The following GPC6 variants were observed in gnomAD, a reference collection of about 807,000 sequenced individuals.
GPC6 encodes the protein glypican-6.
A neutral mutation model predicts 55.2 loss-of-function variants in GPC6; 14 were observed. The ratio of observed to expected loss-of-function variants is 0.25; its 90% confidence interval spans 0.17 to 0.40. GPC6 has a LOEUF of 0.40. Among genes scored for constraint, GPC6 ranks in the 10% least tolerant of loss-of-function variants. The pLI is 1.00. For synonymous variants in GPC6, 278 were observed against 259.6 expected (o/e 1.07, Z -0.68); for missense variants, 641 against 708.5 (o/e 0.90, Z 1.08).
chr13:93,609,390 T>G (rs1189765254), intron 2 of GPC6, among the ~76,000 whole-genome samples: 2 of 152,120 alleles, frequency 1.3e-5, no homozygotes. Flanking sequence ...ATTTTTGTTT[T>G]GTTTTGTTTT....
chr13:93,848,290 A>G (rs1888270961), intron 3 of GPC6, among the ~76,000 whole-genome samples: 1 of 152,100 alleles, frequency 6.6e-6, no homozygotes, highest in Admixed American at 6.6e-5. Flanking sequence ...CCCTCAAACT[A>G]TTGAAAATTG....
chr13:94,034,537 T>C (rs902679550), intron 4 of GPC6, among the ~76,000 whole-genome samples: 3 of 152,054 alleles, frequency 2.0e-5, no homozygotes, highest in African/African-American at 7.2e-5. Context: ...ATCAAGCAAT[T>C]TTCCCATGGA....
At chr13:93,872,573 G>A (rs9589859) in intron 3 of GPC6, among the ~76,000 whole-genome samples, 13 of 152,010 alleles carry the variant, frequency 8.6e-5, no homozygotes, top group African/African-American at 3.1e-4. Context: ...GCCCTGTCCA[G>A]CTGCTGGAGG....
chr13:93,859,883 C>A (rs772577408), intron 3 of GPC6, among the ~76,000 whole-genome samples: 11 of 151,638 alleles, frequency 7.3e-5, no homozygotes, highest in Non-Finnish European at 1.3e-4. Context: ...GGTTCCCACT[C>A]ATCTTAGAAT....
At chr13:94,061,932 G>T (rs1242392679) in intron 4 of GPC6, among the ~76,000 whole-genome samples, 1 of 152,136 alleles carries the variant, frequency 6.6e-6, no homozygotes. Flanking sequence ...GTACTGTAGA[G>T]TTTCTCTGGA....
intron 3 of GPC6, among the ~76,000 whole-genome samples, chr13:93,977,955 C>A (rs1411698887): frequency 6.6e-6 from 1 of 152,138 alleles, no homozygotes; most frequent in African/African-American, 2.4e-5. Context: ...TCTAAAATAT[C>A]TTATGCTGAA....
At chr13:93,587,903 A>C (rs1054319262) in intron 2 of GPC6, among the ~76,000 whole-genome samples, 10 of 152,202 alleles carry the variant, frequency 6.6e-5, no homozygotes, top group Non-Finnish European at 1.5e-4. Flanking sequence ...ATGAACTCTC[A>C]TCAGAAGTTT....
intron 1 of GPC6, among the ~76,000 whole-genome samples, chr13:93,544,948 G>T (rs962527668): frequency 1.6e-4 from 24 of 152,056 alleles, no homozygotes; most frequent in African/African-American, 5.8e-4. Flanking sequence ...ATCTTGTGTT[G>T]TTGTATCACC....
chr13:93,542,763 G>A (rs1882371385), intron 1 of GPC6, among the ~76,000 whole-genome samples: 1 of 152,090 alleles, frequency 6.6e-6, no homozygotes, highest in Admixed American at 6.6e-5. Flanking sequence ...TGGATTCCTA[G>A]GTATTTTATT....
At chr13:94,205,113 T>C (rs889428850) in intron 4 of GPC6, among the ~76,000 whole-genome samples, 1 of 152,222 alleles carries the variant, frequency 6.6e-6, no homozygotes, top group Non-Finnish European at 1.5e-5. Context: ...CAAAAGCATC[T>C]GTTGCCTGTA....
intron 1 of GPC6, among the ~76,000 whole-genome samples, chr13:93,447,825 G>A (rs374292105): frequency 7.0e-4 from 107 of 152,248 alleles, no homozygotes; most frequent in African/African-American, 2.4e-3. Flanking sequence ...CATTGTTTCA[G>A]TGAACCTCTC....
chr13:93,265,041 A>T (rs925083180), intron 1 of GPC6, among the ~76,000 whole-genome samples: 2 of 152,190 alleles, frequency 1.3e-5, no homozygotes, highest in Non-Finnish European at 2.9e-5. Flanking sequence ...CTGAGTTCTT[A>T]AATCTGGCCT....
At chr13:93,890,715 A>ATTTTTT (rs757639517) in intron 3 of GPC6, among the ~76,000 whole-genome samples, 3 of 126,410 alleles carry the variant, frequency 2.4e-5, no homozygotes, top group East Asian at 2.1e-4. Context: ...AATTTTACTT[A>ATTTTTT]ATTTTTTTTT....
In GPC6 at chr13:94,090,540, G is replaced by C. The variant is rs189987306; in HGVS notation, c.877+62646G>C. Among the ~76,000 whole-genome samples, 22 of 152,244 alleles carry C rather than the reference G, an allele frequency of 1.4e-4. No homozygotes were observed. The East Asian group carries it at 4.2e-3, about 29-fold the overall frequency. The stretch of plus-strand genomic sequence containing the variant: ...TCCTTCATGCTTTATAAACTGGGCT[G>C]TCACTGCTGTGAGTGGGGCTTCTTA... On this transcript the variant is annotated intron_variant, in intron 4 of 8. Coordinates refer to ENST00000377047, the MANE Select transcript of GPC6 (RefSeq NM_005708.5).
chr13:93,247,829 T>G (rs1876654930), intron 1 of GPC6, among the ~76,000 whole-genome samples: 1 of 152,212 alleles, frequency 6.6e-6, no homozygotes, highest in East Asian at 1.9e-4. Context: ...CTTCATTATG[T>G]ATTTTGTGCA....
At chr13:94,094,925 G>A (rs567364236) in intron 4 of GPC6, among the ~76,000 whole-genome samples, 2 of 152,122 alleles carry the variant, frequency 1.3e-5, no homozygotes, top group South Asian at 4.1e-4. Context: ...TATGTTTTTA[G>A]TATGTCGTAA....
At chr13:93,454,194 G>T (rs1451037733) in intron 1 of GPC6, among the ~76,000 whole-genome samples, 1 of 149,364 alleles carries the variant, frequency 6.7e-6, no homozygotes. Flanking sequence ...CCTTGAGCTA[G>T]ATACAGAGTG....
At chr13:93,978,060 A>G (rs1594636908) in intron 3 of GPC6, among the ~76,000 whole-genome samples, 1 of 152,200 alleles carries the variant, frequency 6.6e-6, no homozygotes, top group Non-Finnish European at 1.5e-5. Context: ...AAGAGTCCTT[A>G]AAAATGGAAG....
At chr13:93,311,321 C>T (rs1049607612) in intron 1 of GPC6, among the ~76,000 whole-genome samples, 2 of 152,168 alleles carry the variant, frequency 1.3e-5, no homozygotes, top group Non-Finnish European at 2.9e-5. Context: ...ACTAACATTT[C>T]CTTTCATGTG....
Sources: allele counts gnomAD v4.1 joint callset (sites outside exome capture counted in the v4.1 genomes callset), GRCh38; gene constraint gnomAD v4.1.1; transcripts MANE v1.5; gene names NCBI Gene and HGNC (gene_info 2026-07-23, HGNC 2026-07-21).